The following FAT3 variants were observed in gnomAD, a reference collection of about 807,000 sequenced individuals.
FAT3 encodes the protein protocadherin Fat 3.
Under a neutral mutation model 310.2 loss-of-function variants are expected in FAT3, and 95 were observed. The observed-to-expected ratio is 0.31, with a 90% confidence interval of 0.26 to 0.36. The LOEUF is 0.36. Ranked by LOEUF, FAT3 falls within the 10% of genes least tolerant of loss-of-function variation. The pLI is 1.00. For synonymous variants in FAT3, 2,314 were observed against 2,192.9 expected, an observed-to-expected ratio of 1.06 and a Z score of -1.54; for missense variants, 5,408 against 5,715.6, an observed-to-expected ratio of 0.95 and a Z score of 1.74.
In FAT3 at chr11:92,848,746, G is replaced by A. The variant is rs925160271; in HGVS notation, c.11365+4014G>A. Among the ~76,000 whole-genome samples, 8 of 152,370 alleles carry A rather than the reference G, an allele frequency of 5.3e-5. No homozygotes were observed. The East Asian group carries it at 1.2e-3, about 22-fold the overall frequency. The stretch of plus-strand genomic sequence containing the variant: ...GTGTTTGCCATGGGCGAAGCCCTGC[G>A]ATGTACAGAAATGAGTCAGACACCA... On this transcript the variant is annotated intron_variant, in intron 19 of 27. Coordinates refer to ENST00000525166, the MANE Select transcript of FAT3 (RefSeq NM_001367949.2).
At chr11:92,626,783 C>G (rs1483294530) in intron 3 of FAT3, among the ~76,000 whole-genome samples, 1 of 152,150 alleles carries the variant, frequency 6.6e-6, no homozygotes, top group African/African-American at 2.4e-5. Flanking sequence ...ACAGGGCTGT[C>G]AGGGCAGATA....
chr11:92,656,945 T>C (rs1015408136), intron 3 of FAT3, among the ~76,000 whole-genome samples: 1 of 150,592 alleles, frequency 6.6e-6, no homozygotes, highest in African/African-American at 2.4e-5. Flanking sequence ...GCTTACAGAC[T>C]GGAGTATGTG....
intron 2 of FAT3, among the ~76,000 whole-genome samples, chr11:92,426,464 G>A (rs1272462935): frequency 1.3e-5 from 2 of 152,256 alleles, no homozygotes; most frequent in East Asian, 3.9e-4. Flanking sequence ...CCTATGTCCT[G>A]AAAGGTATTG....
chr11:92,650,383 A>G (rs1021092180), intron 3 of FAT3, among the ~76,000 whole-genome samples: 3 of 152,018 alleles, frequency 2.0e-5, no homozygotes, highest in African/African-American at 2.4e-5. Context: ...CTACATACCT[A>G]TCCTTCTGTT....
At chr11:92,864,709 C>T (rs191385882) in intron 21 of FAT3, among the ~76,000 whole-genome samples, 35 of 152,034 alleles carry the variant, frequency 2.3e-4, no homozygotes, top group African/African-American at 8.4e-4. Context: ...CCCAGCTACT[C>T]GGGAGGCTGA....
chr11:92,764,922 C>T lies in FAT3; in HGVS notation c.4028C>T (p.Ala1343Val). The T allele has an allele frequency of 6.2e-7, 1 of 1,613,886 alleles. No homozygotes were observed. The highest frequency in any genetic ancestry group is 1.1e-5 in the South Asian group (1 of 91,074). Residue 1343 changes from alanine (A) to valine (V), a missense_variant, in exon 6 of 28, where the codon GCC becomes GTC. Physicochemically the swap from Ala to Val is moderately conservative, Grantham distance 64 (BLOSUM62 0). Around this residue, in one of 5 missense-constraint regions of FAT3, gnomAD observed 4,588 missense variants for 4,809.8 expected, o/e 0.95. Coordinates refer to ENST00000525166, the MANE Select transcript of FAT3 (RefSeq NM_001367949.2). ...DNGRPQKSST[A>V]RLHIEWIKKP... The stretch of plus-strand genomic sequence containing the variant: ...GGGCGCCCACAGAAATCCTCCACGG[C>T]CCGCCTCCACATTGAATGGATTAAG...
chr11:92,296,726 C>G (rs929704604), intron 1 of FAT3, among the ~76,000 whole-genome samples: 5 of 152,042 alleles, frequency 3.3e-5, no homozygotes, highest in Non-Finnish European at 5.9e-5. Context: ...GGTTAGCCTG[C>G]CTTTTCTATC....
intron 1 of FAT3, among the ~76,000 whole-genome samples, chr11:92,263,559 T>G (rs1865644224): frequency 6.6e-6 from 1 of 152,016 alleles, no homozygotes; most frequent in Non-Finnish European, 1.5e-5. Context: ...TATTGGATCT[T>G]CTGAGTAAAA....
chr11:92,427,664 C>T (rs1950666324), intron 2 of FAT3, among the ~76,000 whole-genome samples: 1 of 151,804 alleles, frequency 6.6e-6, no homozygotes, highest in Non-Finnish European at 1.5e-5. Flanking sequence ...TATGTGATAG[C>T]TTATGTTTAT....
intron 1 of FAT3, among the ~76,000 whole-genome samples, chr11:92,350,636 G>A (rs555409288): frequency 6.6e-6 from 1 of 152,062 alleles, no homozygotes; most frequent in African/African-American, 2.4e-5. Flanking sequence ...ACTACTTGCC[G>A]GCTGGGGAAC....
At chr11:92,852,247 G>A (rs182707749) in intron 19 of FAT3, among the ~76,000 whole-genome samples, 88 of 152,274 alleles carry the variant, frequency 5.8e-4, no homozygotes, top group African/African-American at 2.1e-3. Flanking sequence ...ACTGCAATGT[G>A]GCATATGGGT....
intron 1 of FAT3, among the ~76,000 whole-genome samples, chr11:92,330,632 A>G (rs1157825612): frequency 2.6e-5 from 4 of 152,208 alleles, no homozygotes; most frequent in South Asian, 4.1e-4. Context: ...CTTCAGCTGT[A>G]TTGCGTGGGT....
intron 2 of FAT3, among the ~76,000 whole-genome samples, chr11:92,442,079 TTTTATATATATA>T (rs1244005269): frequency 7.3e-4 from 49 of 67,216 alleles, no homozygotes; most frequent in African/African-American, 3.1e-3. Context: ...GAAATATATA[TTTTATATATATA>T]TATATATATA....
At chr11:92,468,841 G>T (rs745845369) in intron 2 of FAT3, among the ~76,000 whole-genome samples, 65 of 152,180 alleles carry the variant, frequency 4.3e-4, no homozygotes, top group Non-Finnish European at 7.8e-4. Flanking sequence ...GGGAACTACA[G>T]TTGAAGATGA....
intron 4 of FAT3, among the ~76,000 whole-genome samples, chr11:92,707,753 A>T (rs563431511): frequency 6.6e-5 from 10 of 152,290 alleles, no homozygotes; most frequent in African/African-American, 2.2e-4. Flanking sequence ...TCTCTGAGCT[A>T]CAGAATGATC....
chr11:92,840,877 A>G (rs1458595647), intron 18 of FAT3, 118 bp downstream of exon 18: 2 of 961,974 alleles, frequency 2.1e-6, no homozygotes, highest in African/African-American at 1.6e-5. Context: ...ACCATGCGGG[A>G]ATGTTCCCCC....
Position 92,353,831 on chromosome 11 carries a change from C to T in FAT3, c.1719C>T (p.Asp573=), listed in dbSNP as rs1591157159. ...CTATTCGAATAGGAAATGTCAACGA[C>T]AACAGCCCTCTCTTTGAAAAAGTGG... The part of the protein sequence containing the change: ...NVTIRIGNVN[D]NSPLFEKVAC... The change falls in exon 2 of 28, where the codon GAC becomes GAT. Residue 573 remains aspartate (D), a synonymous_variant. Transcript: ENST00000525166. 6.2e-7 allele frequency: 1 copy of T among 1,613,740 alleles called. No homozygotes were observed. The highest frequency in any genetic ancestry group is 1.3e-5 in the African/African-American group (1 of 75,034).
intron 3 of FAT3, among the ~76,000 whole-genome samples, chr11:92,566,591 G>C (rs1955457926): frequency 6.6e-6 from 1 of 151,570 alleles, no homozygotes; most frequent in Non-Finnish European, 1.5e-5. Context: ...TCAATCCTAA[G>C]CCAAAAGAAC....
chr11:92,512,258 A>T (rs1953318468), intron 2 of FAT3, among the ~76,000 whole-genome samples: 1 of 152,002 alleles, frequency 6.6e-6, no homozygotes, highest in Non-Finnish European at 1.5e-5. Context: ...ATCACAACAA[A>T]TTTAAAGATC....
Sources: allele counts gnomAD v4.1 joint callset (sites outside exome capture counted in the v4.1 genomes callset), GRCh38; gene constraint gnomAD v4.1.1; regional missense constraint gnomAD v4.1.1; transcripts MANE v1.5; gene names NCBI Gene and HGNC (gene_info 2026-07-23, HGNC 2026-07-21).